Variants in ASCC3 observed in about 807,000 individuals in gnomAD.
ASCC3 encodes activating signal cointegrator 1 complex subunit 3.
Under a neutral mutation model 256.3 loss-of-function variants are expected in ASCC3, and 158 were observed. That is an observed-to-expected ratio of 0.62 (90% CI 0.54 to 0.70). ASCC3 has a LOEUF of 0.70. Among genes scored for constraint, ASCC3 ranks in the 30% least tolerant of loss-of-function variants. The pLI, the probability that ASCC3 is intolerant of heterozygous loss-of-function variation, is 0.00. For missense variants in ASCC3, 2,259 were observed against 2,626.0 expected, an observed-to-expected ratio of 0.86 and a Z score of 3.05; for synonymous variants, 948 against 883.4, an observed-to-expected ratio of 1.07 and a Z score of -1.30.
chr6:100,829,718 G>T (rs1232444281), intron 4 of ASCC3, among the ~76,000 whole-genome samples: 2 of 152,198 alleles, frequency 1.3e-5, no homozygotes, highest in East Asian at 3.9e-4. Context: ...AAGAGCGAGC[G>T]AGGGCTGTGA....
At chr6:100,530,151 G>A (rs539830881) in intron 37 of ASCC3, 4 of 579,436 alleles carry the variant, frequency 6.9e-6, no homozygotes. Flanking sequence ...ATTTCTCTAT[G>A]TGCATGTGTG....
intron 30 of ASCC3, among the ~76,000 whole-genome samples, chr6:100,616,959 C>G (rs1371147673): frequency 6.6e-6 from 1 of 152,074 alleles, no homozygotes; most frequent in Non-Finnish European, 1.5e-5. Flanking sequence ...GGAATCTCAT[C>G]TAAGGGCAGT....
At chr6:100,823,965 GTAA>G (rs1771174982) in intron 4 of ASCC3, among the ~76,000 whole-genome samples, 2 of 152,004 alleles carry the variant, frequency 1.3e-5, no homozygotes, top group Admixed American at 6.6e-5. Flanking sequence ...AAAATTAGAA[GTAA>G]TGTTAAGCTT....
rs1777493366 is a variant in ASCC3, at chr6:100,684,899, C to CG, written c.2152-5148dup. Among the ~76,000 whole-genome samples the CG allele has an allele frequency of 3.3e-5, 5 of 151,118 alleles. No homozygotes were observed. In the South Asian group the frequency reaches 1.0e-3, roughly 32 times the overall value. On this transcript the variant is annotated intron_variant, in intron 13 of 41. Transcript: ENST00000369162. The stretch of plus-strand genomic sequence containing the variant: ...TCGGCTCACTGCAAACTCCGCCTCC[C>CG]GGGTTGACACCATTCTCCTGCCTCA...
rs1772929227 is a variant in ASCC3 at position 100,607,067 on chromosome 6, C to A, written c.4807G>T (p.Val1603Leu). ...EREMENIIAT[V>L]RDSNLKLTLA... is the part of the protein sequence containing the mutation. ...GTCAGCTTGAGGTTGGAATCTCTTA[C>A]TGTTGCAATGATGTTCTCCATCTGC... is the stretch of plus-strand genomic sequence containing the variant. The change falls in exon 31 of 42, where the codon GTA (valine) becomes TTA (leucine). Residue 1603 changes from valine (V) to leucine (L), a missense_variant. This residue lies in a region of ASCC3 where 1,839 missense variants were observed against 2,206.7 expected (regional missense o/e 0.83). Coordinates refer to ENST00000369162, the MANE Select transcript of ASCC3 (RefSeq NM_006828.4). The A allele has an allele frequency of 1.2e-6, 2 of 1,613,602 alleles. No individual in the cohort carries two copies. Among genetic ancestry groups the A allele is most frequent in the Non-Finnish European group, 8.5e-7 (1 of 1,179,764 alleles).
chr6:100,569,539 T>G (rs183469140), intron 36 of ASCC3, among the ~76,000 whole-genome samples: 1 of 151,884 alleles, frequency 6.6e-6, no homozygotes, highest in Non-Finnish European at 1.5e-5. Flanking sequence ...CCCACCAACA[T>G]GCCAGGCTAA....
intron 30 of ASCC3, among the ~76,000 whole-genome samples, chr6:100,617,047 C>T (rs1773700193): frequency 2.0e-5 from 3 of 152,072 alleles, no homozygotes. Flanking sequence ...CTCTGTCACC[C>T]AGGCTGGAGT....
At chr6:100,863,105 C>A (rs1316813824) in intron 3 of ASCC3, among the ~76,000 whole-genome samples, 6 of 152,096 alleles carry the variant, frequency 3.9e-5, no homozygotes, top group Non-Finnish European at 5.9e-5. Flanking sequence ...TAGTTGCAAA[C>A]CTGCTAAATT....
In ASCC3 at chr6:100,800,489, A is replaced by C. The variant is rs751120994; in HGVS notation, c.938T>G (p.Ile313Ser). The C allele has an allele frequency of 1.9e-6, 3 of 1,609,170 alleles. No individual in the cohort carries two copies. Among genetic ancestry groups the C allele is most frequent in the South Asian group, 1.1e-5 (1 of 90,882 alleles). Reference sequence around the variant, plus strand: ...ATTGGGTTTAGCATTTTCTCCTAAAATTTTTTTACAATTGTCTAAGAAGCA... The same window carrying C: ...ATTGGGTTTAGCATTTTCTCCTAAACTTTTTTTACAATTGTCTAAGAAGCA... ...FQALQDNCKK[I>S]LGENAKPNYG... is the part of the protein sequence containing the mutation. Residue 313 changes from isoleucine (I) to serine (S), a missense_variant, in exon 6 of 42, where the codon ATT (isoleucine) becomes AGT (serine). Ile to Ser is a moderately radical substitution (Grantham distance 142, BLOSUM62 -2). Coordinates refer to ENST00000369162, the MANE Select transcript of ASCC3 (RefSeq NM_006828.4).
intron 37 of ASCC3, among the ~76,000 whole-genome samples, chr6:100,527,747 C>T (rs79054963): frequency 0.012 from 1,774 of 152,050 alleles, 13 homozygotes; most frequent in Non-Finnish European, 0.017. Context: ...ATACCCACAT[C>T]GTTATATCTT....
intron 8 of ASCC3, among the ~76,000 whole-genome samples, chr6:100,769,852 A>T (rs1256379103): frequency 1.3e-5 from 2 of 151,958 alleles, no homozygotes; most frequent in African/African-American, 4.8e-5. Flanking sequence ...GATGAAATGG[A>T]CAACTTTCTT....
intron 36 of ASCC3, among the ~76,000 whole-genome samples, chr6:100,566,127 A>C (rs1770232938): frequency 6.6e-6 from 1 of 152,120 alleles, no homozygotes; most frequent in Non-Finnish European, 1.5e-5. Flanking sequence ...ACAAAACAAA[A>C]ACCTGTCTAG....
chr6:100,696,710 ATACT>A, intron 13 of ASCC3, among the ~76,000 whole-genome samples: 1 of 152,102 alleles, frequency 6.6e-6, no homozygotes, highest in Non-Finnish European at 1.5e-5. Context: ...ACTAAAGGCT[ATACT>A]TAAACAACAA....
chr6:100,726,006 CAGTA>C (rs976156711), intron 10 of ASCC3, among the ~76,000 whole-genome samples: 5 of 142,496 alleles, frequency 3.5e-5, no homozygotes, highest in African/African-American at 1.0e-4. Flanking sequence ...AAAAAAAAAA[CAGTA>C]AGAACACTAT....
At chr6:100,545,187 C>CT (rs149884835) in intron 36 of ASCC3, among the ~76,000 whole-genome samples, 1 of 151,530 alleles carries the variant, frequency 6.6e-6, no homozygotes, top group Admixed American at 6.6e-5. Flanking sequence ...TTTTTTGTTG[C>CT]TTTTTTTTGA....
intron 4 of ASCC3, among the ~76,000 whole-genome samples, chr6:100,807,801 A>C (rs1770262937): frequency 6.7e-6 from 1 of 148,182 alleles, no homozygotes; most frequent in South Asian, 2.4e-4. Context: ...ACAAAAGGGG[A>C]AGTATGTATA....
At chr6:100,604,338 C>T (rs762921644) in intron 33 of ASCC3, among the ~76,000 whole-genome samples, 1 of 151,876 alleles carries the variant, frequency 6.6e-6, no homozygotes, top group Non-Finnish European at 1.5e-5. Context: ...TGATTTTTCT[C>T]TAGTTATGTT....
At chr6:100,568,714 T>C (rs1394325395) in intron 36 of ASCC3, among the ~76,000 whole-genome samples, 1 of 150,324 alleles carries the variant, frequency 6.7e-6, no homozygotes, top group Non-Finnish European at 1.5e-5. Context: ...ACTTGTCAAT[T>C]TGTTTTTGCT....
At chr6:100,698,863 G>T (rs1778209439) in intron 13 of ASCC3, among the ~76,000 whole-genome samples, 1 of 152,024 alleles carries the variant, frequency 6.6e-6, no homozygotes, top group African/African-American at 2.4e-5. Flanking sequence ...TTTTCTTGAA[G>T]TTGTTTTGCC....
Sources: allele counts gnomAD v4.1 joint callset (sites outside exome capture counted in the v4.1 genomes callset), GRCh38; gene constraint gnomAD v4.1.1; regional missense constraint gnomAD v4.1.1; transcripts MANE v1.5; gene names NCBI Gene and HGNC (gene_info 2026-07-23, HGNC 2026-07-21).